MID1: variants seen among roughly 807,000 people sequenced by gnomAD.
The protein encoded by MID1 is E3 ubiquitin-protein ligase Midline-1.
MID1 carries 7 observed loss-of-function variants against 40.4 expected under a neutral mutation model. That is an observed-to-expected ratio of 0.17 (90% confidence interval 0.10 to 0.33). The LOEUF (loss-of-function observed/expected upper bound fraction) is 0.33. Ranked by LOEUF, MID1 falls within the 10% of genes least tolerant of loss-of-function variation. The pLI, the probability that MID1 is intolerant of heterozygous loss-of-function variation, is 1.00. For synonymous variants in MID1, 229 were observed against 221.2 expected (o/e 1.04, Z -0.31); for missense variants, 367 against 558.5 (o/e 0.66, Z 3.46).
At chrX:10,587,796 A>G (rs1935173428) in intron 1 of MID1, among the ~76,000 whole-genome samples, 1 of 111,233 alleles carries the variant, frequency 9.0e-6, no homozygotes, top group Admixed American at 9.6e-5. Context: ...TTTAGACCAA[A>G]GAAAGCCAAA....
chrX:10,809,361 A>T (rs1054465949), intron 1 of MID1, among the ~76,000 whole-genome samples: 1 of 111,932 alleles, frequency 8.9e-6, no homozygotes, highest in South Asian at 3.8e-4. Context: ...ATTGTGGAAG[A>T]CAGTGTGGCG....
At chrX:10,519,452 T>C (rs1932605689) in intron 3 of MID1, among the ~76,000 whole-genome samples, 1 of 111,584 alleles carries the variant, frequency 9.0e-6, no homozygotes. Context: ...CAAAAGAGAA[T>C]CCAGTCTAAG....
intron 1 of MID1, among the ~76,000 whole-genome samples, chrX:10,771,908 G>C (rs2043773520): frequency 9.0e-6 from 1 of 110,631 alleles, no homozygotes; most frequent in Non-Finnish European, 1.9e-5. Context: ...AAAATTGCTG[G>C]TGGGAATGTA....
At chrX:10,652,122 T>A (rs1936322529) in intron 1 of MID1, among the ~76,000 whole-genome samples, 1 of 112,165 alleles carries the variant, frequency 8.9e-6, no homozygotes, top group Non-Finnish European at 1.9e-5. Flanking sequence ...ATTTTCTTCC[T>A]TTTTGCACTT....
intron 5 of MID1, chrX:10,475,038 T>C (rs780696134): frequency 1.3e-5 from 5 of 372,667 alleles, no homozygotes; most frequent in Admixed American, 3.0e-5. Context: ...TCATATTTCA[T>C]GTTGCTGTGT....
At chrX:10,830,165 C>G (rs749011121) in intron 1 of MID1, among the ~76,000 whole-genome samples, 1 of 112,426 alleles carries the variant, frequency 8.9e-6, no homozygotes, top group East Asian at 2.8e-4. Flanking sequence ...TCAGTGAAAG[C>G]ATGAATATCT....
chrX:10,813,956 G>A (rs936065424), intron 1 of MID1, among the ~76,000 whole-genome samples: 1 of 112,073 alleles, frequency 8.9e-6, no homozygotes, highest in Non-Finnish European at 1.9e-5. Flanking sequence ...CAACTCTGCT[G>A]TTGTAGCTCA....
At chrX:10,713,598 G>T (rs1351272544) in intron 1 of MID1, among the ~76,000 whole-genome samples, 2 of 112,727 alleles carry the variant, frequency 1.8e-5, no homozygotes, top group African/African-American at 6.4e-5. Flanking sequence ...AAAGTGCTGG[G>T]ATTACAGGCG....
At chrX:10,486,472 C>T (rs1930622395) in intron 4 of MID1, among the ~76,000 whole-genome samples, 1 of 111,823 alleles carries the variant, frequency 8.9e-6, no homozygotes, top group Non-Finnish European at 1.9e-5. Context: ...CACTTGCCCT[C>T]CCTGTCTGGC....
chrX:10,782,573 A>G (rs1376619942), intron 1 of MID1, among the ~76,000 whole-genome samples: 1 of 111,699 alleles, frequency 9.0e-6, no homozygotes, highest in Non-Finnish European at 1.9e-5. Flanking sequence ...TTCATGATGG[A>G]GATACATAGA....
intron 1 of MID1, among the ~76,000 whole-genome samples, chrX:10,829,461 T>G (rs1368902062): frequency 8.9e-6 from 1 of 111,993 alleles, no homozygotes; most frequent in African/African-American, 3.2e-5. Context: ...TTATGTACCA[T>G]GCATTTCTGA....
intron 1 of MID1, among the ~76,000 whole-genome samples, chrX:10,747,974 C>CT (rs1215214244): frequency 1.1e-4 from 12 of 107,789 alleles, no homozygotes; most frequent in African/African-American, 3.0e-4. Flanking sequence ...TTCTTTCTTT[C>CT]TTTTTTTTTT....
chrX:10,803,323 T>C (rs1452226690), intron 1 of MID1, among the ~76,000 whole-genome samples: 1 of 110,071 alleles, frequency 9.1e-6, no homozygotes, highest in African/African-American at 3.3e-5. Context: ...TTATGCTTCA[T>C]ACATAATAAA....
At chrX:10,734,527 T>C (rs1415542764) in intron 1 of MID1, among the ~76,000 whole-genome samples, 1 of 106,660 alleles carries the variant, frequency 9.4e-6, no homozygotes, top group South Asian at 4.2e-4. Context: ...CCTTCACATA[T>C]ACCCCTGAAT....
rs766168003 is a variant in MID1 at position 10,566,361 on chromosome X, G to A, written c.660+527C>T. Among the ~76,000 whole-genome samples, 96 of 111,293 alleles carry A rather than the reference G, an allele frequency of 8.6e-4. 1 individual carries two copies. Among genetic ancestry groups the A allele is most frequent in the African/African-American group, 3.0e-3 (92 of 30,609 alleles). ...ACGTGTCCTCTAAAATCCCACATTT[G>A]CTACAGACATTCTTCCCTCTATTCT... On this transcript the variant is annotated intron_variant, in intron 2 of 9. Transcript: ENST00000317552.
chrX:10,780,304 C>T lies in MID1; in HGVS notation c.-187+53250G>A, dbSNP rs1240460248. ...TTATTCATGTACTCATAACATGAGCCCAGCTCCTAATAGTCTTTCAAGTGT... is the reference window on the plus strand; with the variant it reads ...TTATTCATGTACTCATAACATGAGCTCAGCTCCTAATAGTCTTTCAAGTGT... On this transcript the variant is annotated intron_variant, in intron 1 of 10. Transcript: ENST00000380785. Among the ~76,000 whole-genome samples, 26 of 111,368 alleles carry T rather than the reference C, an allele frequency of 2.3e-4. No homozygotes were observed. In the Admixed American group the frequency reaches 2.5e-3, roughly 11 times the overall value.
At chrX:10,697,470 G>C (rs1259623977) in intron 1 of MID1, among the ~76,000 whole-genome samples, 2 of 111,717 alleles carry the variant, frequency 1.8e-5, no homozygotes, top group Admixed American at 1.9e-4. Context: ...TCAGAATAAG[G>C]AGAGAAGATG....
At chrX:10,591,633 T>G (rs1249274983) in intron 1 of MID1, among the ~76,000 whole-genome samples, 1 of 111,254 alleles carries the variant, frequency 9.0e-6, no homozygotes, top group Non-Finnish European at 1.9e-5. Flanking sequence ...AAGCACCGAC[T>G]GCCAAAACAT....
Position 10,553,109 on chromosome X carries a change from G to A in MID1, c.660+13779C>T, listed in dbSNP as rs769935732. 5.8e-4 allele frequency among the ~76,000 whole-genome samples: 64 copies of A among 110,373 alleles called. 1 individual carries two copies. Among genetic ancestry groups the A allele is most frequent in the Admixed American group, 1.8e-3 (19 of 10,400 alleles). ...CTAAAAATACAAAAATTAGCCGGGC[G>A]TGGTGGCGCATGCCTGTAATCCCAG... is the stretch of plus-strand genomic sequence containing the variant. On this transcript the variant is annotated intron_variant, in intron 2 of 9. Transcript: ENST00000317552.
Sources: allele counts gnomAD v4.1 joint callset (sites outside exome capture counted in the v4.1 genomes callset), GRCh38; gene constraint gnomAD v4.1.1; transcripts MANE v1.5; gene names NCBI Gene and HGNC (gene_info 2026-07-23, HGNC 2026-07-21).